The following PLXNC1 variants were observed in gnomAD, a reference collection of about 807,000 sequenced individuals.
The protein encoded by PLXNC1 is plexin C1, also known as plexin-C1.
Under a neutral mutation model 178.2 loss-of-function variants are expected in PLXNC1, and 75 were observed. That is an observed-to-expected ratio of 0.42 (90% CI 0.35 to 0.51). PLXNC1 has a LOEUF of 0.51. PLXNC1 is among the 20% of genes least tolerant of loss of function. The probability of loss-of-function intolerance (pLI) is 0.02; values close to 1 mark genes in which losing one functional copy is unlikely to be tolerated. For missense variants in PLXNC1, 1,503 were observed against 1,984.4 expected, an observed-to-expected ratio of 0.76 and a Z score of 4.61; for synonymous variants, 790 against 779.9, an observed-to-expected ratio of 1.01 and a Z score of -0.22.
chr12:94,303,145 G>A (rs565984684), intron 28 of PLXNC1, among the ~76,000 whole-genome samples: 158 of 152,108 alleles, frequency 1.0e-3, no homozygotes, highest in South Asian at 2.5e-3. Context: ...TTATAATTAC[G>A]TAGAATCATT....
At chr12:94,212,030 G>T (rs199796331) in intron 5 of PLXNC1, among the ~76,000 whole-genome samples, 30,908 of 151,648 alleles carry the variant, frequency 0.2, 3,263 homozygotes, top group Middle Eastern at 0.26. Context: ...ATCCCAGCAC[G>T]TTGGGAGGCC....
rs984734080 is a variant in PLXNC1 at position 94,217,662 on chromosome 12, T to G, written c.1555-2354T>G. Among the ~76,000 whole-genome samples, 3 of 152,138 alleles carry G rather than the reference T, an allele frequency of 2.0e-5. No individual in the cohort carries two copies. The South Asian group carries it at 6.2e-4, about 32-fold the overall frequency. On this transcript the variant is annotated intron_variant, in intron 5 of 30. Transcript: ENST00000258526. ...ATCCTCCATATCCACATCCCCCACT[T>G]CCAGTCCTGCCCCATGCCACTTCTA... is the stretch of plus-strand genomic sequence containing the variant.
At chr12:94,202,185 A>G (rs564856703) in intron 4 of PLXNC1, among the ~76,000 whole-genome samples, 43 of 152,262 alleles carry the variant, frequency 2.8e-4, no homozygotes, top group African/African-American at 9.9e-4. Context: ...TCTGCAGAAG[A>G]CGTACCTCAA....
Position 94,148,997 on chromosome 12 carries a change from C to A in PLXNC1, c.26C>A (p.Pro9Gln), listed in dbSNP as rs931020496. 6.9e-7 allele frequency: 1 copy of A among 1,452,578 alleles called. No homozygotes were observed. Among genetic ancestry groups the A allele is most frequent in the African/African-American group, 1.5e-5 (1 of 67,276 alleles). The allele number at this position is 1,452,578 out of a possible 1,614,324, so 90.0% of individuals were successfully genotyped here. Residue 9 changes from proline to glutamine, a missense_variant, in exon 1 of 31, where the codon CCG (proline) becomes CAG (glutamine). Physicochemically the swap from Pro to Gln is moderately conservative, Grantham distance 76 (BLOSUM62 -1). This residue lies in a region of PLXNC1 where 176 missense variants were observed against 180.7 expected (regional missense o/e 0.97). Transcript: ENST00000258526. The surrounding 1 kb of genome is among the most constrained non-coding windows in gnomAD (Gnocchi z 4.8). MEVSRRKA[P>Q]PRPPRPAAPL... ...ATGGAGGTCTCCCGGAGGAAGGCGC[C>A]GCCGCGCCCCCCGCGCCCCGCAGCG...
intron 6 of PLXNC1, 55 bp downstream of exon 6, chr12:94,220,218 C>T: frequency 6.4e-7 from 1 of 1,557,760 alleles, no homozygotes; most frequent in Non-Finnish European, 8.8e-7. Context: ...ACAAGGGAAC[C>T]TCCTGAGTTT....
chr12:94,250,301 G>T (rs74776710), intron 14 of PLXNC1, among the ~76,000 whole-genome samples: 1 of 152,128 alleles, frequency 6.6e-6, no homozygotes, highest in African/African-American at 2.4e-5. Context: ...TGAGGAGGGC[G>T]CCATGAGCTG....
At chr12:94,225,459 T>C (rs139343580) in intron 7 of PLXNC1, among the ~76,000 whole-genome samples, 191 of 152,290 alleles carry the variant, frequency 1.3e-3, no homozygotes, top group African/African-American at 4.3e-3. Context: ...AGTTCAATTA[T>C]TGCTAAGAAA....
intron 6 of PLXNC1, among the ~76,000 whole-genome samples, chr12:94,221,630 A>G (rs1334632239): frequency 1.3e-5 from 2 of 152,202 alleles, no homozygotes; most frequent in Non-Finnish European, 2.9e-5. Flanking sequence ...GCTATAACAA[A>G]ATACCTTAGA....
rs781633307 is a variant in PLXNC1 at position 94,224,243 on chromosome 12, A to G, written c.1718A>G (p.Asn573Ser). ...TTCCCTCCAGATGTTTCAGTTGTCAACGTGATGTTCTCCTTCGGTTCTTGG... is the reference window on the plus strand; with the variant it reads ...TTCCCTCCAGATGTTTCAGTTGTCAGCGTGATGTTCTCCTTCGGTTCTTGG... ...RATYKDVSVV[N>S]VMFSFGSWNL... is the part of the protein sequence containing the mutation. The change falls in exon 7 of 31, where the codon AAC (asparagine) becomes AGC (serine). Residue 573 changes from asparagine (N) to serine (S), a missense_variant. Asn to Ser is a conservative substitution (Grantham distance 46). This residue lies in a region of PLXNC1 where 615 missense variants were observed against 698.6 expected (regional missense o/e 0.88). Coordinates refer to ENST00000258526, the MANE Select transcript of PLXNC1 (RefSeq NM_005761.3). 1 of 1,601,038 alleles carries G rather than the reference A, an allele frequency of 6.2e-7. No homozygotes were observed. Among genetic ancestry groups the G allele is most frequent in the Admixed American group, 1.7e-5 (1 of 59,992 alleles).
intron 6 of PLXNC1, 65 bp downstream of exon 6, chr12:94,220,228 T>C: frequency 4.0e-6 from 6 of 1,515,128 alleles, no homozygotes; most frequent in Non-Finnish European, 5.5e-6. Flanking sequence ...CTCCTGAGTT[T>C]AGTTTGCCCA....
At chr12:94,177,531 A>AATAAAGAAAG (rs1555195720) in intron 2 of PLXNC1, among the ~76,000 whole-genome samples, 10 of 150,380 alleles carry the variant, frequency 6.6e-5, no homozygotes, top group African/African-American at 2.0e-4. Context: ...GAGAGGGAGA[A>AATAAAGAAAG]AGAAAGAAAG....
At chr12:94,262,422 A>C (rs149834991) in intron 20 of PLXNC1, 19 of 900,546 alleles carry the variant, frequency 2.1e-5, no homozygotes, top group African/African-American at 1.4e-4. Context: ...CTGAGCTTTC[A>C]AGGGCTGCTC....
At chr12:94,245,953 G>A (rs538320586) in intron 12 of PLXNC1, among the ~76,000 whole-genome samples, 22 of 152,318 alleles carry the variant, frequency 1.4e-4, no homozygotes, top group Middle Eastern at 3.4e-3. Flanking sequence ...ACACTGGACC[G>A]AGACAATTAG....
chr12:94,267,145 G>A (rs1445480010), intron 21 of PLXNC1, among the ~76,000 whole-genome samples: 1 of 152,122 alleles, frequency 6.6e-6, no homozygotes, highest in Non-Finnish European at 1.5e-5. Flanking sequence ...AGCCCCAAAG[G>A]TCTCCAAAGA....
Position 94,149,914 on chromosome 12 carries a change from G to A in PLXNC1, c.943G>A (p.Gly315Arg). 2 of 1,589,902 alleles carry A rather than the reference G, an allele frequency of 1.3e-6. No individual in the cohort carries two copies. The highest frequency in any genetic ancestry group is 1.7e-6 in the Non-Finnish European group (2 of 1,169,002). ...GGCGGGAGTGTTCAGCGCGGCCGCTGGAGAGGGCCAGGAGCGGCGCTCCCC... is the reference window on the plus strand; with the variant it reads ...GGCGGGAGTGTTCAGCGCGGCCGCTAGAGAGGGCCAGGAGCGGCGCTCCCC... The part of the protein sequence containing the change: ...VWAGVFSAAA[G>R]EGQERRSPTT... The change falls in exon 1 of 31, where the codon GGA becomes AGA. Residue 315 changes from glycine (G) to arginine (R), a missense_variant. Physicochemically the swap from Gly to Arg is moderately radical, Grantham distance 125. This residue lies in a region of PLXNC1 where 615 missense variants were observed against 698.6 expected (regional missense o/e 0.88). Transcript: ENST00000258526.
At chr12:94,224,381 T>C (rs1963882693) in intron 7 of PLXNC1, 66 bp downstream of exon 7, 8 of 922,750 alleles carry the variant, frequency 8.7e-6, no homozygotes, top group Non-Finnish European at 1.4e-5. Context: ...GTTTGACTCC[T>C]CGATTTCCTA....
In PLXNC1 at chr12:94,260,648, G is replaced by C; in HGVS notation, c.3258G>C (p.Leu1086=). Residue 1086 remains leucine (L), a synonymous_variant, in exon 20 of 31, where the codon CTG becomes CTC. Transcript: ENST00000258526. This position sits in a 1 kb window ranked among gnomAD's most constrained non-coding sequence, Gnocchi z 4.4. ...QKNFSVKDRC[L]FASFLTIALQ... ...CAGCTCTCTTTTTCAACAGGTGTCT[G>C]TTTGCCTCCTTCCTAACCATTGCAC... 1 of 1,612,754 alleles carries C rather than the reference G, an allele frequency of 6.2e-7. No homozygotes were observed. The highest frequency in any genetic ancestry group is 8.5e-7 in the Non-Finnish European group (1 of 1,179,430).
At chr12:94,177,230 CATAT>C (rs568262912) in intron 2 of PLXNC1, among the ~76,000 whole-genome samples, 1,511 of 97,426 alleles carry the variant, frequency 0.016, 32 homozygotes, top group African/African-American at 0.047. Flanking sequence ...TATATATATA[CATAT>C]ATATATATAT....
chr12:94,279,268 A>T (rs954358484), intron 21 of PLXNC1, among the ~76,000 whole-genome samples: 2 of 152,102 alleles, frequency 1.3e-5, no homozygotes, highest in African/African-American at 4.8e-5. Context: ...CTATAATGAG[A>T]GTTTTAACTT....
Sources: allele counts gnomAD v4.1 joint callset (sites outside exome capture counted in the v4.1 genomes callset), GRCh38; gene constraint gnomAD v4.1.1; regional missense constraint gnomAD v4.1.1; non-coding constraint Gnocchi (gnomAD v3.1); transcripts MANE v1.5; gene names NCBI Gene and HGNC (gene_info 2026-07-23, HGNC 2026-07-21).